The following GPR174 variants were observed in gnomAD, a reference collection of about 807,000 sequenced individuals.
GPR174 encodes probable G protein-coupled receptor 174.
In GPR174, 8 loss-of-function variants were observed where a neutral mutation model predicts 16.5. That is an observed-to-expected ratio of 0.48 (90% CI 0.28 to 0.87). The LOEUF (loss-of-function observed/expected upper bound fraction) is 0.87, where lower values mean the gene tolerates loss of function less well. Among genes scored for constraint, GPR174 ranks in the 40% least tolerant of loss-of-function variants. GPR174 has a pLI of 0.09. For synonymous variants in GPR174, 111 were observed against 94.8 expected (o/e 1.17, Z -0.99); for missense variants, 214 against 247.5 (o/e 0.86, Z 0.91).
chrX:79,144,996 C>CTTTCTTTCTTTCTT lies in GPR174; in HGVS notation c.-874_-873insTTCTTTCTTTCTTT, dbSNP rs1424713723. 1.4e-5 allele frequency: 1 copy of CTTTCTTTCTTTCTT among 72,122 alleles called. No homozygotes were observed. The highest frequency in any genetic ancestry group is 2.7e-5 in the Non-Finnish European group (1 of 36,928). The allele number at this position is 72,122 out of a possible 1,213,427, so 5.9% of individuals were successfully genotyped here. ...TCTTTCTTTTTCTTTCTTTCTTTCT[C>CTTTCTTTCTTTCTT]TCTCTCTCTCTTTCTTTCTTTCTTT... On this transcript the variant is annotated 5_prime_UTR_variant, in exon 1 of 3. Transcript: ENST00000645147.
At position 79,174,800 on chromosome X, in the gene GPR174, C is replaced by T. The variant is rs1190254274; in HGVS notation, c.*2791C>T. ...GCTACGATCCAGACAGCAGCCTGTTCTCTGAGCTTCTCCATTCCATGGCTT... is the reference window on the plus strand; with the variant it reads ...GCTACGATCCAGACAGCAGCCTGTTTTCTGAGCTTCTCCATTCCATGGCTT... On this transcript the variant is annotated 3_prime_UTR_variant, in exon 3 of 3. Coordinates refer to ENST00000645147, the MANE Select transcript of GPR174 (RefSeq NM_032553.3). 1.8e-5 allele frequency: 2 copies of T among 111,280 alleles called. No homozygotes were observed. The highest frequency in any genetic ancestry group is 1.9e-5 in the Non-Finnish European group (1 of 53,059). The allele number at this position is 111,280 out of a possible 1,213,427, so 9.2% of individuals were successfully genotyped here.
chrX:79,147,102 G>A (rs1926515601), intron 1 of GPR174, among the ~76,000 whole-genome samples: 1 of 111,740 alleles, frequency 8.9e-6, no homozygotes, highest in African/African-American at 3.3e-5. Flanking sequence ...CACTTTCAGA[G>A]CAATGGCAAA....
At position 79,171,920 on chromosome X, in the gene GPR174, A is replaced by C; in HGVS notation, c.913A>C (p.Arg305=). The change falls in exon 3 of 3, where the codon AGA becomes CGA. Residue 305 remains arginine (R), a synonymous_variant. Transcript: ENST00000645147. ...STNEFRRRLS[R]QDLHDSIQLH... is the part of the protein sequence containing the mutation. The stretch of plus-strand genomic sequence containing the variant: ...TAATGAGTTCCGAAGACGGCTTTCA[A>C]GACAAGATTTGCATGACAGCATCCA... The C allele has an allele frequency of 8.3e-7, 1 of 1,211,271 alleles. No individual in the cohort carries two copies. Among genetic ancestry groups the C allele is most frequent in the Admixed American group, 2.2e-5 (1 of 46,015 alleles).
Position 79,170,577 on chromosome X carries a change from T to C in GPR174, c.-431T>C, listed in dbSNP as rs1297179670. On this transcript the variant is annotated 5_prime_UTR_variant, in exon 3 of 3. Coordinates refer to ENST00000645147, the MANE Select transcript of GPR174 (RefSeq NM_032553.3). ...CATTGTGCACTAAAGCAATCCTTTC[T>C]TCTATGTGAGCCAAAAAAAGAAAAA... 1.6e-5 allele frequency: 2 copies of C among 122,625 alleles called. No individual in the cohort carries two copies. The highest frequency in any genetic ancestry group is 1.7e-5 in the Non-Finnish European group (1 of 59,903). The allele number at this position is 122,625 out of a possible 1,213,427, so 10.1% of individuals were successfully genotyped here.
rs910640115 is a variant in GPR174, at chrX:79,172,361, T to C, written c.*352T>C. On this transcript the variant is annotated 3_prime_UTR_variant, in exon 3 of 3. Coordinates refer to ENST00000645147, the MANE Select transcript of GPR174 (RefSeq NM_032553.3). ...TTGGAGTCACCATAAACATTTAGTT[T>C]TGTTGCAACAGATACTGAGTCTTTA... The C allele has an allele frequency of 1.2e-5, 2 of 170,691 alleles. No individual in the cohort carries two copies. The highest frequency in any genetic ancestry group is 2.2e-5 in the Non-Finnish European group (2 of 90,091). 14.1% of individuals were successfully genotyped at this position (170,691 alleles called of 1,213,427 possible).
chrX:79,170,954 G>A lies in GPR174; in HGVS notation c.-54G>A. On this transcript the variant is annotated 5_prime_UTR_variant, in exon 3 of 3. The change creates a new upstream start codon in the 5' untranslated region. Transcript: ENST00000645147. ...CTTTTGGAAGGAACAGCAGTTGATT[G>A]TGAATTTAGTTTTGAACCACCATTA... The A allele has an allele frequency of 9.6e-7, 1 of 1,044,589 alleles. No homozygotes were observed. The allele number at this position is 1,044,589 out of a possible 1,213,427, so 86.1% of individuals were successfully genotyped here.
chrX:79,154,310 TC>T (rs1343973335), intron 1 of GPR174, among the ~76,000 whole-genome samples: 1 of 112,005 alleles, frequency 8.9e-6, no homozygotes, highest in Non-Finnish European at 1.9e-5. Flanking sequence ...CCCTGCACAC[TC>T]CCTGTGAATG....
In GPR174 at chrX:79,172,748, T is replaced by G. The variant is rs1248949309; in HGVS notation, c.*739T>G. ...GCATCTACCTAGGACAGGTAGTTTGTCAAAGTCCATACAAGGTGACTCAAT... is the reference window on the plus strand; with the variant it reads ...GCATCTACCTAGGACAGGTAGTTTGGCAAAGTCCATACAAGGTGACTCAAT... On this transcript the variant is annotated 3_prime_UTR_variant, in exon 3 of 3. Transcript: ENST00000645147. 8.9e-6 allele frequency: 1 copy of G among 111,753 alleles called. No individual in the cohort carries two copies. Among genetic ancestry groups the G allele is most frequent in the African/African-American group, 3.3e-5 (1 of 30,700 alleles). The allele number at this position is 111,753 out of a possible 1,213,427, so 9.2% of individuals were successfully genotyped here. A position where few individuals can be genotyped will look rare whatever the true frequency, so the allele number is the denominator to read the frequency against.
At chrX:79,157,341 T>C (rs1921122647) in intron 2 of GPR174, among the ~76,000 whole-genome samples, 1 of 111,872 alleles carries the variant, frequency 8.9e-6, no homozygotes, top group South Asian at 3.7e-4. Flanking sequence ...CCCTTAAATT[T>C]TGTGTCCAAG....
At chrX:79,164,114 C>G (rs925853719) in intron 2 of GPR174, among the ~76,000 whole-genome samples, 2 of 110,880 alleles carry the variant, frequency 1.8e-5, no homozygotes, top group Non-Finnish European at 3.8e-5. Flanking sequence ...AGACTGAGCT[C>G]CAAATGAATA....
intron 2 of GPR174, among the ~76,000 whole-genome samples, chrX:79,166,432 C>CTTTTTTTTTTTTTTTTTTTTTTTTTTTTT (rs1174620976): frequency 2.3e-5 from 1 of 43,625 alleles, no homozygotes; most frequent in African/African-American, 1.0e-4. Flanking sequence ...TTTCTTTTTT[C>CTTTTTTTTTTTTTTTTTTTTTTTTTTTTT]TTTTTTTTTT....
chrX:79,173,267 C>T lies in GPR174; in HGVS notation c.*1258C>T, dbSNP rs1213523203. 1.8e-5 allele frequency: 2 copies of T among 111,527 alleles called. No homozygotes were observed. Among genetic ancestry groups the T allele is most frequent in the Non-Finnish European group, 3.8e-5 (2 of 53,070 alleles). The allele number at this position is 111,527 out of a possible 1,213,427, so 9.2% of individuals were successfully genotyped here. On this transcript the variant is annotated 3_prime_UTR_variant, in exon 3 of 3. Coordinates refer to ENST00000645147, the MANE Select transcript of GPR174 (RefSeq NM_032553.3). The stretch of plus-strand genomic sequence containing the variant: ...CAGCTGGGGAAGGCAATTATTTCAC[C>T]TCTTGAAAAATGCATAGAAGATTAA...
intron 2 of GPR174, among the ~76,000 whole-genome samples, chrX:79,164,111 G>A (rs780494534): frequency 9.0e-6 from 1 of 111,125 alleles, no homozygotes; most frequent in South Asian, 3.8e-4. Context: ...AGTAGACTGA[G>A]CTCCAAATGA....
chrX:79,148,895 T>C (rs1305867585), intron 1 of GPR174, among the ~76,000 whole-genome samples: 1 of 112,091 alleles, frequency 8.9e-6, no homozygotes, highest in Non-Finnish European at 1.9e-5. Flanking sequence ...TCAAAGTATT[T>C]AATCTATTTT....
Position 79,173,161 on chromosome X carries a change from C to T in GPR174, c.*1152C>T, listed in dbSNP as rs912282131. 1 of 111,768 alleles carries T rather than the reference C, an allele frequency of 8.9e-6. No homozygotes were observed. Among genetic ancestry groups the T allele is most frequent in the African/African-American group, 3.3e-5 (1 of 30,737 alleles). 9.2% of individuals were successfully genotyped at this position (111,768 alleles called of 1,213,427 possible). A position where few individuals can be genotyped will look rare whatever the true frequency, so the allele number is the denominator to read the frequency against. ...TACATATTACAGTCAGTCACATGGA[C>T]CCTAGAATCCACATTGATTTTTTTT... On this transcript the variant is annotated 3_prime_UTR_variant, in exon 3 of 3. Transcript: ENST00000645147.
chrX:79,165,459 T>C (rs148568996), intron 2 of GPR174, among the ~76,000 whole-genome samples: 2 of 111,447 alleles, frequency 1.8e-5, no homozygotes, highest in East Asian at 5.6e-4. Flanking sequence ...CAAGTTTAAG[T>C]TCCTGGGCCC....
At position 79,160,661 on chromosome X, in the gene GPR174, G is replaced by A. The variant is rs754151360; in HGVS notation, c.-557+3743G>A. 6.3e-5 allele frequency among the ~76,000 whole-genome samples: 7 copies of A among 111,788 alleles called. No homozygotes were observed. In the South Asian group the frequency reaches 2.6e-3, roughly 42 times the overall value. The stretch of plus-strand genomic sequence containing the variant: ...CTTGGTGTGGTATATGGAATGTGAT[G>A]ATAGCATACCTACAGAGGTTTTCAG... On this transcript the variant is annotated intron_variant, in intron 2 of 2. Coordinates refer to ENST00000645147, the MANE Select transcript of GPR174 (RefSeq NM_032553.3).
intron 2 of GPR174, among the ~76,000 whole-genome samples, chrX:79,164,212 C>G (rs972227314): frequency 9.0e-6 from 1 of 111,044 alleles, no homozygotes; most frequent in African/African-American, 3.3e-5. Flanking sequence ...CCGCCCCCAC[C>G]ACACCCCTAT....
At chrX:79,155,888 C>T (rs1289245434) in intron 1 of GPR174, among the ~76,000 whole-genome samples, 1 of 111,715 alleles carries the variant, frequency 9.0e-6, no homozygotes, top group Non-Finnish European at 1.9e-5. Flanking sequence ...CTGCCTTATC[C>T]TTCCCTTTGC....
Sources: gnomAD v4.1 joint callset for allele counts (sites outside exome capture counted in the v4.1 genomes callset) on GRCh38, gnomAD v4.1.1 for gene constraint, MANE v1.5 for transcripts, NCBI Gene and HGNC (gene_info 2026-07-23, HGNC 2026-07-21) for gene names.